The following TTI1 variants were observed in gnomAD, a reference collection of about 807,000 sequenced individuals.
TTI1 encodes TELO2-interacting protein 1 homolog.
A neutral mutation model predicts 85.4 loss-of-function variants in TTI1; 52 were observed. The ratio of observed to expected loss-of-function variants is 0.61; its 90% CI spans 0.49 to 0.77. The LOEUF is 0.77. Ranked by LOEUF, TTI1 falls within the 30% of genes least tolerant of loss-of-function variation. The pLI, the probability that TTI1 is intolerant of heterozygous loss-of-function variation, is 0.00. For synonymous variants in TTI1, 512 were observed against 503.9 expected (o/e 1.02, Z -0.22); for missense variants, 1,173 against 1,296.0 (o/e 0.91, Z 1.46).
At chr20:38,002,841 T>C in intron 3 of TTI1, 65 bp from the exon 4 acceptor site, 2 of 1,592,844 alleles carry the variant, frequency 1.3e-6, no homozygotes, top group Non-Finnish European at 8.6e-7. Context: ...CCTAAATTTC[T>C]GTTCTTTATA....
chr20:38,023,850 G>T (rs551877783), intron 1 of TTI1, among the ~76,000 whole-genome samples: 9 of 152,330 alleles, frequency 5.9e-5, no homozygotes, highest in African/African-American at 1.7e-4. Flanking sequence ...TTCTTGACAA[G>T]GGAAGAGAGA....
At chr20:38,010,464 T>C (rs1271733646) in intron 2 of TTI1, among the ~76,000 whole-genome samples, 2 of 144,124 alleles carry the variant, frequency 1.4e-5, no homozygotes, top group African/African-American at 2.6e-5. Context: ...AATTTTGCCA[T>C]TCCTTTTTTT....
At chr20:38,006,136 C>A in intron 3 of TTI1, 61 bp downstream of exon 3, 1 of 1,587,840 alleles carries the variant, frequency 6.3e-7, no homozygotes, top group South Asian at 1.1e-5. Flanking sequence ...GATGTTTCAC[C>A]ATTTTTACAA....
chr20:38,020,509 C>T (rs899405042), intron 1 of TTI1, among the ~76,000 whole-genome samples: 2 of 151,082 alleles, frequency 1.3e-5, no homozygotes, highest in East Asian at 3.9e-4. Flanking sequence ...AATTGGACTA[C>T]CTTAAAATTT....
Position 37,996,734 on chromosome 20 carries a change from C to G in TTI1, c.2998+15G>C. 1 of 1,592,462 alleles carries G rather than the reference C, an allele frequency of 6.3e-7. No individual in the cohort carries two copies. Among genetic ancestry groups the G allele is most frequent in the Non-Finnish European group, 8.6e-7 (1 of 1,165,842 alleles). Reference sequence around the variant, plus strand: ...GCTAAGTGTGTGTGTTCAGGTGGAACTGCCTGGTACCCACCTAGGTCCAGT... The same window carrying G: ...GCTAAGTGTGTGTGTTCAGGTGGAAGTGCCTGGTACCCACCTAGGTCCAGT... On this transcript the variant is annotated intron_variant, in intron 6 of 7. Transcript: ENST00000373447.
At position 38,018,434 on chromosome 20, in the gene TTI1, A is replaced by T. The variant is rs149707298; in HGVS notation, c.-41-4577T>A. Among the ~76,000 whole-genome samples the T allele has an allele frequency of 6.9e-3, 1,054 of 152,312 alleles. 5 individuals carry two copies. The highest frequency in any genetic ancestry group is 0.02 in the African/African-American group (837 of 41,564). ...AGGTCAATAAAAAATATTCAAACTC[A>T]ATTAGAAAAATGAATGGTAAACACA... On this transcript the variant is annotated intron_variant, in intron 1 of 7. Coordinates refer to ENST00000373447, the MANE Select transcript of TTI1 (RefSeq NM_001303457.2).
Position 38,002,954 on chromosome 20 carries a change from G to A in TTI1, c.2504-178C>T, listed in dbSNP as rs138421794. Among the ~76,000 whole-genome samples the A allele has an allele frequency of 9.7e-4, 148 of 152,270 alleles. 2 individuals carry two copies. The East Asian group carries it at 0.025, about 26-fold the overall frequency. ...GAAACCATGATATAGCCATATAATG[G>A]CATTTTATGAGGTCCCTATTTTTTT... On this transcript the variant is annotated intron_variant, in intron 3 of 7. Coordinates refer to ENST00000373447, the MANE Select transcript of TTI1 (RefSeq NM_001303457.2).
At chr20:38,026,803 CTA>C (rs1317555739) in intron 1 of TTI1, among the ~76,000 whole-genome samples, 1 of 152,204 alleles carries the variant, frequency 6.6e-6, no homozygotes, top group Non-Finnish European at 1.5e-5. Flanking sequence ...GTTTTCAAAA[CTA>C]TGTTTGACAG....
In TTI1 at chr20:37,996,640, G is replaced by C. The variant is rs199742320; in HGVS notation, c.2998+109C>G. ...AAATGAGGCCAAAATAAGACGGAAG[G>C]AGGTACACAGAGGGGAGGGGAGGGG... is the stretch of plus-strand genomic sequence containing the variant. On this transcript the variant is annotated intron_variant, in intron 6 of 7. Transcript: ENST00000373447. 178 of 1,400,256 alleles carry C rather than the reference G, an allele frequency of 1.3e-4. 1 individual carries two copies. In the East Asian group the frequency reaches 4.0e-3, roughly 31 times the overall value. 86.7% of individuals were successfully genotyped at this position (1,400,256 alleles called of 1,614,324 possible). A position where few individuals can be genotyped will look rare whatever the true frequency, so the allele number is the denominator to read the frequency against.
intron 7 of TTI1, 113 bp downstream of exon 7, chr20:37,996,262 C>A: frequency 9.1e-7 from 1 of 1,094,280 alleles, no homozygotes; most frequent in Admixed American, 2.0e-5. Context: ...ATTATCTTAA[C>A]CTGGCAGGGT....
intron 1 of TTI1, among the ~76,000 whole-genome samples, chr20:38,025,878 T>C (rs943484056): frequency 3.9e-5 from 6 of 152,142 alleles, no homozygotes; most frequent in Admixed American, 1.3e-4. Context: ...GATGGAACAA[T>C]AGGAATTACC....
Position 37,983,618 on chromosome 20 carries a change from C to T in TTI1, c.3108G>A (p.Lys1036=). 2.0e-6 allele frequency: 3 copies of T among 1,536,720 alleles called. No homozygotes were observed. The highest frequency in any genetic ancestry group is 2.0e-5 in the Admixed American group (1 of 50,290). Residue 1036 remains lysine (K), a synonymous_variant, in exon 8 of 8, where the codon AAG becomes AAA. Transcript: ENST00000373447. ...GGAACCAGGTGGAGTCTGGGTCCAC[C>T]TTCATCAAGTGGAGGAAGACGCTGT... ...AARSVFLHLM[K]VDPDSTWFLL...
rs1238156023 is a variant in TTI1 at position 38,012,250 on chromosome 20, C to T, written c.1567G>A (p.Ala523Thr). Reference protein sequence around the residue: ...HQSVVYRKQAAMILNELVTGA... With the variant: ...HQSVVYRKQATMILNELVTGA... ...GTAACCAGTTCATTAAGGATCATGG[C>T]AGCTTGCTTCCGGTAAACCACAGAT... Residue 523 changes from alanine to threonine, a missense_variant, in exon 2 of 8, where the codon GCC becomes ACC. By Grantham distance (58) the Ala-to-Thr change is moderately conservative. Coordinates refer to ENST00000373447, the MANE Select transcript of TTI1 (RefSeq NM_001303457.2). 6.2e-7 allele frequency: 1 copy of T among 1,614,210 alleles called. No homozygotes were observed. Among genetic ancestry groups the T allele is most frequent in the Non-Finnish European group, 8.5e-7 (1 of 1,180,038 alleles).
intron 7 of TTI1, 142 bp downstream of exon 7, chr20:37,996,233 G>C (rs142891009): frequency 1.9e-5 from 16 of 825,730 alleles, no homozygotes; most frequent in Non-Finnish European, 3.0e-5. Flanking sequence ...ACCATCTCTA[G>C]TGCTGGCACA....
At chr20:37,998,878 T>A (rs2073379546) in intron 5 of TTI1, among the ~76,000 whole-genome samples, 2 of 152,314 alleles carry the variant, frequency 1.3e-5, no homozygotes, top group South Asian at 4.1e-4. Context: ...TTAACTTCTC[T>A]GAGCTTCTTT....
chr20:38,023,901 T>C (rs1191601148), intron 1 of TTI1, among the ~76,000 whole-genome samples: 1 of 152,170 alleles, frequency 6.6e-6, no homozygotes, highest in East Asian at 1.9e-4. Context: ...AAGGGAAGTG[T>C]ACTGCAGAAC....
chr20:38,032,542 A>C (rs2073927175), intron 1 of TTI1, among the ~76,000 whole-genome samples: 1 of 152,192 alleles, frequency 6.6e-6, no homozygotes, highest in South Asian at 2.1e-4. Flanking sequence ...CCTGGGATTT[A>C]AAACTTAAAA....
chr20:38,018,218 A>G (rs2073711744), intron 1 of TTI1, among the ~76,000 whole-genome samples: 1 of 152,234 alleles, frequency 6.6e-6, no homozygotes, highest in African/African-American at 2.4e-5. Flanking sequence ...TAATAAAGTC[A>G]AGAAACAGAG....
At chr20:38,028,360 A>C (rs1236737164) in intron 1 of TTI1, among the ~76,000 whole-genome samples, 1 of 152,228 alleles carries the variant, frequency 6.6e-6, no homozygotes, top group Non-Finnish European at 1.5e-5. Flanking sequence ...CATTAATCAA[A>C]GGAAAGTAGA....
Sources: allele counts gnomAD v4.1 joint callset (sites outside exome capture counted in the v4.1 genomes callset), GRCh38; gene constraint gnomAD v4.1.1; transcripts MANE v1.5; gene names NCBI Gene and HGNC (gene_info 2026-07-23, HGNC 2026-07-21).